The following LARP4B variants were observed in gnomAD, a reference collection of about 807,000 sequenced individuals.
LARP4B encodes La ribonucleoprotein 4B.
A neutral mutation model predicts 89.8 loss-of-function variants in LARP4B; 12 were observed. The ratio of observed to expected loss-of-function variants is 0.13; its 90% confidence interval spans 0.09 to 0.22. LARP4B has a LOEUF of 0.22. Among genes scored for constraint, LARP4B ranks in the 10% least tolerant of loss-of-function variants. LARP4B has a pLI of 1.00. For synonymous variants in LARP4B, 367 were observed against 363.3 expected, an observed-to-expected ratio of 1.01 and a Z score of -0.12; for missense variants, 757 against 947.7, an observed-to-expected ratio of 0.80 and a Z score of 2.64.
the LARP4B span, among the ~76,000 whole-genome samples, chr10:983,211 C>G: frequency 6.6e-6 from 1 of 152,258 alleles, no homozygotes; most frequent in Admixed American, 6.5e-5. Flanking sequence ...TTACAGATAA[C>G]TCTGTTATTC....
intron 7 of LARP4B, among the ~76,000 whole-genome samples, 193 bp downstream of exon 7, chr10:842,739 C>G (rs1279023903): frequency 6.6e-6 from 1 of 152,180 alleles, no homozygotes; most frequent in Non-Finnish European, 1.5e-5. Flanking sequence ...ACGGGTTCAA[C>G]TGGCATTCCC....
At chr10:820,009 GCTAA>G (rs982415460) in intron 14 of LARP4B, 16 of 151,934 alleles carry the variant, frequency 1.1e-4, no homozygotes, top group African/African-American at 3.4e-4. Context: ...CGTGGGTACT[GCTAA>G]CTGCCACCGT....
rs540342543 is a variant in LARP4B at position 918,605 on chromosome 10, G to A, written c.-40+12823C>T. Among the ~76,000 whole-genome samples the A allele has an allele frequency of 1.9e-3, 252 of 135,260 alleles. 1 individual carries two copies. The highest frequency in any genetic ancestry group is 3.2e-3 in the Non-Finnish European group (212 of 65,712). 88.7% of individuals were successfully genotyped at this position (135,260 alleles called of 152,430 possible). On this transcript the variant is annotated intron_variant, in intron 1 of 17. Coordinates refer to ENST00000316157, the MANE Select transcript of LARP4B (RefSeq NM_015155.3). ...GCCAAGATCACGCCACTGCACTCCA[G>A]CCTGGCAACAGAGTGAGACCCTGTC...
chr10:918,632 C>CAAA (rs57396015), intron 1 of LARP4B, among the ~76,000 whole-genome samples: 20 of 48,312 alleles, frequency 4.1e-4, no homozygotes, highest in Admixed American at 9.1e-4. Flanking sequence ...GACCCTGTCT[C>CAAA]AAAAAAAAAA....
chr10:882,589 G>A (rs1419112366), intron 3 of LARP4B, among the ~76,000 whole-genome samples: 4 of 152,042 alleles, frequency 2.6e-5, no homozygotes, highest in Admixed American at 2.0e-4. Flanking sequence ...GGGTTTCACC[G>A]TGTTAGCCAG....
intron 1 of LARP4B, among the ~76,000 whole-genome samples, chr10:904,073 C>T (rs1836419212): frequency 6.6e-6 from 1 of 152,100 alleles, no homozygotes; most frequent in Non-Finnish European, 1.5e-5. Flanking sequence ...ACTTTTTGAG[C>T]ACCAACATGA....
intron 1 of LARP4B, among the ~76,000 whole-genome samples, chr10:919,291 G>C (rs1836914971): frequency 6.6e-6 from 1 of 152,124 alleles, no homozygotes; most frequent in African/African-American, 2.4e-5. Context: ...CTCTCTAAGA[G>C]CTGGGTATTA....
At chr10:906,260 C>CT (rs1836491060) in intron 1 of LARP4B, among the ~76,000 whole-genome samples, 1 of 152,196 alleles carries the variant, frequency 6.6e-6, no homozygotes, top group South Asian at 2.1e-4. Context: ...ATTTTCATAT[C>CT]TAATTCATCA....
chr10:855,961 C>CTTT (rs1834278944), intron 5 of LARP4B, among the ~76,000 whole-genome samples: 2 of 152,228 alleles, frequency 1.3e-5, no homozygotes, highest in Non-Finnish European at 2.9e-5. Flanking sequence ...AAAGGCAACG[C>CTTT]AGCAGAGAGA....
At chr10:831,675 T>C (rs1035739976) in intron 8 of LARP4B, among the ~76,000 whole-genome samples, 2 of 152,194 alleles carry the variant, frequency 1.3e-5, no homozygotes, top group African/African-American at 4.8e-5. Flanking sequence ...GCAGGGACAG[T>C]GCTCAGAAGG....
At chr10:907,395 G>T (rs956443503) in intron 1 of LARP4B, among the ~76,000 whole-genome samples, 4 of 152,110 alleles carry the variant, frequency 2.6e-5, no homozygotes, top group Non-Finnish European at 2.9e-5. Context: ...TCACAGCTGA[G>T]GGCAAAATTA....
At chr10:888,615 CCTT>C (rs1233505538) in intron 1 of LARP4B, among the ~76,000 whole-genome samples, 1 of 152,076 alleles carries the variant, frequency 6.6e-6, no homozygotes, top group East Asian at 1.9e-4. Context: ...ACCCAAAACT[CCTT>C]CTAATATTTA....
the LARP4B span, among the ~76,000 whole-genome samples, chr10:958,770 C>T: frequency 1.3e-5 from 2 of 152,214 alleles, no homozygotes; most frequent in East Asian, 1.9e-4. Context: ...TACAGCTTCG[C>T]GTAGACACAC....
At chr10:856,015 C>A (rs753474129) in intron 5 of LARP4B, among the ~76,000 whole-genome samples, 3 of 152,190 alleles carry the variant, frequency 2.0e-5, no homozygotes, top group Non-Finnish European at 4.4e-5. Context: ...GATTCCTATG[C>A]ACAAAATGAA....
intron 6 of LARP4B, among the ~76,000 whole-genome samples, chr10:843,335 A>G (rs1249682639): frequency 1.3e-5 from 2 of 152,244 alleles, no homozygotes; most frequent in Non-Finnish European, 2.9e-5. Flanking sequence ...TTATTTTTAA[A>G]TAAGATGTAA....
chr10:925,964 A>C (rs1410049454), intron 1 of LARP4B, among the ~76,000 whole-genome samples: 1 of 152,208 alleles, frequency 6.6e-6, no homozygotes, highest in Non-Finnish European at 1.5e-5. Flanking sequence ...TGTAAATATA[A>C]CTTTTATACT....
the LARP4B span, among the ~76,000 whole-genome samples, chr10:945,893 T>C: frequency 6.6e-6 from 1 of 152,126 alleles, no homozygotes; most frequent in Non-Finnish European, 1.5e-5. Context: ...GAGCCCTCTG[T>C]CATGGGAAGA....
chr10:920,277 T>C (rs922663458), intron 1 of LARP4B, among the ~76,000 whole-genome samples: 2 of 152,226 alleles, frequency 1.3e-5, no homozygotes, highest in African/African-American at 4.8e-5. Flanking sequence ...TTTTACCTCA[T>C]GGGCTTCAGT....
rs1157563653 is a variant in LARP4B, at chr10:863,870, A to G, written c.303T>C (p.Asn101=). The change falls in exon 5 of 18, where the codon AAT becomes AAC. Residue 101 remains asparagine (N), a synonymous_variant. Coordinates refer to ENST00000316157, the MANE Select transcript of LARP4B (RefSeq NM_015155.3). ...ADRGPQGSDA[N]GDGDQGHENA... ...TCTCATGGCCCTGGTCACCATCACC[A>G]TTGGCATCCGATCCTACAATTAGGA... 1.9e-6 allele frequency: 3 copies of G among 1,611,758 alleles called. No individual in the cohort carries two copies. Among genetic ancestry groups the G allele is most frequent in the Admixed American group, 1.7e-5 (1 of 59,214 alleles).
Sources: gnomAD v4.1 joint callset for allele counts (sites outside exome capture counted in the v4.1 genomes callset) on GRCh38, gnomAD v4.1.1 for gene constraint, MANE v1.5 for transcripts, NCBI Gene and HGNC (gene_info 2026-07-23, HGNC 2026-07-21) for gene names.